HACE1: variants seen among roughly 807,000 people sequenced by gnomAD.
HACE1 encodes the protein E3 ubiquitin-protein ligase HACE1.
HACE1 carries 73 observed loss-of-function variants against 118.4 expected under a neutral mutation model. That is an observed-to-expected ratio of 0.62 (90% confidence interval 0.51 to 0.75). The LOEUF (loss-of-function observed/expected upper bound fraction) is 0.75, where lower values mean the gene tolerates loss of function less well. Ranked by LOEUF, HACE1 falls within the 30% of genes least tolerant of loss-of-function variation. The pLI, the probability that HACE1 is intolerant of heterozygous loss-of-function variation, is 0.00. For synonymous variants in HACE1, 368 were observed against 374.8 expected (o/e 0.98, Z 0.21); for missense variants, 749 against 1,102.2 (o/e 0.68, Z 4.54).
chr6:104,781,985 A>G (rs1012279070), intron 14 of HACE1, among the ~76,000 whole-genome samples: 3 of 152,144 alleles, frequency 2.0e-5, no homozygotes, highest in African/African-American at 7.2e-5. Flanking sequence ...TAAAAAGCAG[A>G]GACAGTATTA....
At chr6:104,763,847 C>T (rs1322102585) in intron 19 of HACE1, among the ~76,000 whole-genome samples, 2 of 152,018 alleles carry the variant, frequency 1.3e-5, no homozygotes, top group Admixed American at 1.3e-4. Flanking sequence ...GTCAGGATAT[C>T]GAGACCAGCC....
chr6:104,834,231 T>C (rs1480690939), intron 5 of HACE1, among the ~76,000 whole-genome samples: 2 of 152,196 alleles, frequency 1.3e-5, no homozygotes, highest in African/African-American at 4.8e-5. Flanking sequence ...AATACTCTGC[T>C]TCTCAGATAA....
chr6:104,849,352 T>G, intron 3 of HACE1, 106 bp from the exon 4 acceptor site: 1 of 782,986 alleles, frequency 1.3e-6, no homozygotes, highest in Non-Finnish European at 2.2e-6. Context: ...TTTCTTTTTG[T>G]TTTTCAGACA....
intron 11 of HACE1, 52 bp from the exon 12 acceptor site, chr6:104,785,371 A>C (rs1423729861): frequency 5.7e-6 from 5 of 876,412 alleles, no homozygotes; most frequent in African/African-American, 2.1e-5. Context: ...TACAGGATTA[A>C]AAAAAAAAAA....
rs554617970 is a variant in HACE1 at position 104,833,979 on chromosome 6, G to A, written c.403-806C>T. Reference sequence around the variant, plus strand: ...CAGCCTGTCAACACAGTAAGACTCCGTCTCAAAAAAAAAAATTAGCTGGCC... The same window carrying A: ...CAGCCTGTCAACACAGTAAGACTCCATCTCAAAAAAAAAAATTAGCTGGCC... On this transcript the variant is annotated intron_variant, in intron 5 of 23. Coordinates refer to ENST00000262903, the MANE Select transcript of HACE1 (RefSeq NM_020771.4). Among the ~76,000 whole-genome samples the A allele has an allele frequency of 7.9e-5, 12 of 151,692 alleles. No homozygotes were observed. In the East Asian group the frequency reaches 9.7e-4, roughly 12 times the overall value.
In HACE1 at chr6:104,814,847, C is replaced by T. The variant is rs762609275; in HGVS notation, c.535-3454G>A. On this transcript the variant is annotated intron_variant, in intron 6 of 23. Coordinates refer to ENST00000262903, the MANE Select transcript of HACE1 (RefSeq NM_020771.4). The stretch of plus-strand genomic sequence containing the variant: ...ATCTGAAGAAGATGCTTGCTTCCCC[C>T]TTTGCCTTCCACCATGATTGTAAGT... Among the ~76,000 whole-genome samples, 27 of 138,114 alleles carry T rather than the reference C, an allele frequency of 2.0e-4. 5 individuals are homozygous for T. The highest frequency in any genetic ancestry group is 7.2e-5 in the Admixed American group (1 of 13,978). 90.6% of individuals were successfully genotyped at this position (138,114 alleles called of 152,430 possible).
intron 7 of HACE1, among the ~76,000 whole-genome samples, chr6:104,797,698 T>C (rs905226250): frequency 6.6e-6 from 1 of 152,108 alleles, no homozygotes; most frequent in African/African-American, 2.4e-5. Context: ...CCTCATTCCC[T>C]GATTGCCCTC....
chr6:104,856,439 G>A (rs79031856), intron 1 of HACE1, among the ~76,000 whole-genome samples: 1 of 141,798 alleles, frequency 7.1e-6, no homozygotes, highest in Non-Finnish European at 1.5e-5. Context: ...TTTTATTTAT[G>A]TGTTTTTTTT....
At position 104,758,801 on chromosome 6, in the gene HACE1, C is replaced by G. The variant is rs553312093; in HGVS notation, c.2212-8329G>C. On this transcript the variant is annotated intron_variant, in intron 19 of 23. Coordinates refer to ENST00000262903, the MANE Select transcript of HACE1 (RefSeq NM_020771.4). ...CATCAGTGTGCTGTATTCAGGAGAC[C>G]CATCTCACGTGCAAAGACACACATA... 5.3e-5 allele frequency among the ~76,000 whole-genome samples: 8 copies of G among 151,926 alleles called. No individual in the cohort carries two copies. The South Asian group carries it at 1.7e-3, about 32-fold the overall frequency.
intron 19 of HACE1, among the ~76,000 whole-genome samples, chr6:104,752,651 C>A (rs940506974): frequency 6.6e-6 from 1 of 151,928 alleles, no homozygotes; most frequent in Non-Finnish European, 1.5e-5. Flanking sequence ...GTGAACGTTA[C>A]CTATTTTAAT....
At chr6:104,767,736 G>A (rs1780162640) in intron 19 of HACE1, among the ~76,000 whole-genome samples, 1 of 152,006 alleles carries the variant, frequency 6.6e-6, no homozygotes, top group African/African-American at 2.4e-5. Context: ...TCTACTTGTG[G>A]TTTCCCAAAG....
chr6:104,832,023 GA>G (rs1774034240), intron 6 of HACE1, among the ~76,000 whole-genome samples: 2 of 144,772 alleles, frequency 1.4e-5, no homozygotes, highest in Admixed American at 1.4e-4. Flanking sequence ...AGGAAGGAAG[GA>G]AGGAAGGAGA....
At position 104,844,934 on chromosome 6, in the gene HACE1, G is replaced by A. The variant is rs541843283; in HGVS notation, c.327-1636C>T. 6.2e-3 allele frequency among the ~76,000 whole-genome samples: 946 copies of A among 152,214 alleles called. 6 individuals are homozygous for A. The highest frequency in any genetic ancestry group is 0.01 in the Non-Finnish European group (707 of 68,018). On this transcript the variant is annotated intron_variant, in intron 4 of 23. Transcript: ENST00000262903. ...CTGCCTCAGCCTCCCTAAGTGCTGG[G>A]ATTACAGGCGTGAGCCACCACACCC...
intron 14 of HACE1, among the ~76,000 whole-genome samples, chr6:104,783,123 T>C (rs1341846993): frequency 2.0e-5 from 3 of 152,202 alleles, no homozygotes; most frequent in Admixed American, 1.3e-4. Context: ...TACATACTTT[T>C]CGGTCTACAT....
intron 6 of HACE1, among the ~76,000 whole-genome samples, chr6:104,822,203 TAA>T (rs58454908): frequency 7.6e-4 from 78 of 102,940 alleles, no homozygotes; most frequent in South Asian, 4.8e-3. Flanking sequence ...CCGTCTCTAC[TAA>T]AAAAAAAAAA....
rs745380889 is a variant in HACE1 at position 104,772,014 on chromosome 6, C to T, written c.1925G>A (p.Arg642Gln). The change falls in exon 18 of 24, where the codon CGG becomes CAG. Residue 642 changes from arginine to glutamine, a missense_variant. By Grantham distance (43) the Arg-to-Gln change is conservative. This residue lies in a region of HACE1 where 195 missense variants were observed against 322.1 expected (regional missense o/e 0.61). Transcript: ENST00000262903. ...TAATCCCAAGATCTGCCCAGCAAAC[C>T]GAAAATAGTTCAAGTGATCAGGATT... ...YVNPDHLNYF[R>Q]FAGQILGLAL... 1.2e-5 allele frequency: 19 copies of T among 1,609,424 alleles called. No individual in the cohort carries two copies. The highest frequency in any genetic ancestry group is 1.6e-4 in the Middle Eastern group (1 of 6,074).
At chr6:104,817,508 C>T (rs1302634695) in intron 6 of HACE1, among the ~76,000 whole-genome samples, 1 of 152,142 alleles carries the variant, frequency 6.6e-6, no homozygotes, top group South Asian at 2.1e-4. Flanking sequence ...GTTAAGCCTG[C>T]AGAACTGTGA....
intron 19 of HACE1, among the ~76,000 whole-genome samples, chr6:104,759,238 G>C (rs1487031189): frequency 6.6e-6 from 1 of 152,130 alleles, no homozygotes; most frequent in African/African-American, 2.4e-5. Context: ...CAAATCAACA[G>C]AATATAGATT....
At chr6:104,766,518 C>T (rs761053023) in intron 19 of HACE1, among the ~76,000 whole-genome samples, 1 of 152,124 alleles carries the variant, frequency 6.6e-6, no homozygotes, top group Non-Finnish European at 1.5e-5. Flanking sequence ...GGATAAAAGT[C>T]TGTATTTTGT....
Sources: allele counts gnomAD v4.1 joint callset (sites outside exome capture counted in the v4.1 genomes callset), GRCh38; gene constraint gnomAD v4.1.1; regional missense constraint gnomAD v4.1.1; transcripts MANE v1.5; gene names NCBI Gene and HGNC (gene_info 2026-07-23, HGNC 2026-07-21).